CCDC47: variants seen among roughly 807,000 people sequenced by gnomAD.
The protein encoded by CCDC47 is coiled-coil domain containing 47.
A neutral mutation model predicts 60.5 loss-of-function variants in CCDC47; 41 were observed. The observed-to-expected ratio is 0.68, with a 90% CI of 0.53 to 0.88. The LOEUF (loss-of-function observed/expected upper bound fraction) is 0.88. Ranked by LOEUF, CCDC47 falls within the 40% of genes least tolerant of loss-of-function variation. CCDC47 has a pLI of 0.00. For missense variants in CCDC47, 513 were observed against 580.9 expected, an observed-to-expected ratio of 0.88 and a Z score of 1.20; for synonymous variants, 195 against 190.7, an observed-to-expected ratio of 1.02 and a Z score of -0.18.
chr17:63,759,549 A>ATATATATATT (rs2039238486), intron 6 of CCDC47, among the ~76,000 whole-genome samples: 14 of 55,064 alleles, frequency 2.5e-4, no homozygotes, highest in Non-Finnish European at 4.5e-4. Flanking sequence ...ATATATATAT[A>ATATATATATT]TATATATATA....
chr17:63,752,946 G>A (rs368671971), intron 9 of CCDC47, 147 bp from the exon 10 acceptor site: 57 of 1,350,624 alleles, frequency 4.2e-5, no homozygotes, highest in Non-Finnish European at 5.1e-5. Context: ...ATATAATGAA[G>A]GAGCTTTACA....
At chr17:63,758,551 T>A (rs866386745) in intron 6 of CCDC47, among the ~76,000 whole-genome samples, 12 of 151,922 alleles carry the variant, frequency 7.9e-5, no homozygotes, top group African/African-American at 2.7e-4. Context: ...AAAAGAATTA[T>A]TATTATTATT....
chr17:63,761,796 G>C, intron 4 of CCDC47: 1 of 979,270 alleles, frequency 1.0e-6, no homozygotes, highest in Non-Finnish European at 1.2e-6. Flanking sequence ...CTGTCTTATA[G>C]AACTGTTTGG....
rs1273557873 is a variant in CCDC47, at chr17:63,745,843, T to G, written c.*1038A>C. 3 of 151,828 alleles carry G rather than the reference T, an allele frequency of 2.0e-5. No individual in the cohort carries two copies. Among genetic ancestry groups the G allele is most frequent in the African/African-American group, 7.3e-5 (3 of 41,296 alleles). 9.4% of individuals were successfully genotyped at this position (151,828 alleles called of 1,614,324 possible). On this transcript the variant is annotated 3_prime_UTR_variant, in exon 13 of 13. Coordinates refer to ENST00000225726, the MANE Select transcript of CCDC47 (RefSeq NM_020198.3). ...GATACATGGGCCTCTCCTCCAAGAG[T>G]TGGTTCCGCAAGAGGTGGAAAGAAC...
At chr17:63,751,903 A>C (rs994969726) in intron 12 of CCDC47, 37 bp downstream of exon 12, 3 of 1,609,818 alleles carry the variant, frequency 1.9e-6, no homozygotes, top group Non-Finnish European at 2.5e-6. Context: ...TCATCCTTAC[A>C]AATCGTAGTT....
Position 63,765,942 on chromosome 17 carries a change from T to C in CCDC47, c.234A>G (p.Gln78=). The C allele has an allele frequency of 1.2e-6, 2 of 1,613,528 alleles. No homozygotes were observed. Among genetic ancestry groups the C allele is most frequent in the Non-Finnish European group, 8.5e-7 (1 of 1,179,710 alleles). ...TVELEGQDEN[Q]EGDFEDADTQ... ...TATCTGCATCTTCAAAATCTCCTTC[T>C]TGGTTTTCATCCTGCCCTTCCAACT... The change falls in exon 2 of 13, where the codon CAA becomes CAG. Residue 78 remains glutamine, a synonymous_variant. Coordinates refer to ENST00000225726, the MANE Select transcript of CCDC47 (RefSeq NM_020198.3).
rs114008758 is a variant in CCDC47, at chr17:63,768,314, A to G, written c.-19-2120T>C. Among the ~76,000 whole-genome samples the G allele has an allele frequency of 5.5e-4, 84 of 152,298 alleles. 1 individual carries two copies. The highest frequency in any genetic ancestry group is 2.0e-3 in the African/African-American group (83 of 41,546). On this transcript the variant is annotated intron_variant, in intron 1 of 12. Coordinates refer to ENST00000225726, the MANE Select transcript of CCDC47 (RefSeq NM_020198.3). ...TTCAGCTTCAAGGACATGTGCTACA[A>G]TATTATTTATGATGGTGAAATTTGG... is the stretch of plus-strand genomic sequence containing the variant.
chr17:63,751,021 T>C (rs2144469926), intron 12 of CCDC47, among the ~76,000 whole-genome samples: 1 of 143,586 alleles, frequency 7.0e-6, no homozygotes, highest in South Asian at 2.3e-4. Context: ...ACTACAGGTA[T>C]GCACCACTAT....
chr17:63,746,772 G>T lies in CCDC47; in HGVS notation c.*109C>A. On this transcript the variant is annotated 3_prime_UTR_variant, in exon 13 of 13. Coordinates refer to ENST00000225726, the MANE Select transcript of CCDC47 (RefSeq NM_020198.3). Reference sequence around the variant, plus strand: ...ATGATGAAATAAGGATTTCTCAGTTGCCCAAGACTGTCTGAAATTTAAGGT... The same window carrying T: ...ATGATGAAATAAGGATTTCTCAGTTTCCCAAGACTGTCTGAAATTTAAGGT... The T allele has an allele frequency of 1.2e-6, 1 of 828,540 alleles. No individual in the cohort carries two copies. The highest frequency in any genetic ancestry group is 1.7e-5 in the African/African-American group (1 of 59,418). 51.3% of individuals were successfully genotyped at this position (828,540 alleles called of 1,614,324 possible).
chr17:63,749,664 G>A (rs1054740060), intron 12 of CCDC47, among the ~76,000 whole-genome samples: 3 of 151,892 alleles, frequency 2.0e-5, no homozygotes, highest in Admixed American at 6.6e-5. Flanking sequence ...CAGAAGAATC[G>A]CTTGAACCCG....
intron 1 of CCDC47, among the ~76,000 whole-genome samples, chr17:63,770,756 C>T (rs1312164798): frequency 3.3e-5 from 5 of 151,772 alleles, no homozygotes; most frequent in African/African-American, 9.7e-5. Context: ...GAGGCCAATA[C>T]GGGCAGATCA....
chr17:63,765,836 C>A (rs761689818), intron 2 of CCDC47, 76 bp downstream of exon 2: 70 of 1,467,718 alleles, frequency 4.8e-5, no homozygotes, highest in Non-Finnish European at 6.1e-5. Flanking sequence ...GTCTCTTGAG[C>A]CTGAGGATTA....
In CCDC47 at chr17:63,752,398, ATCCT is replaced by A; in HGVS notation, c.1121_1124del (p.Lys374IlefsTer8). 6.2e-7 allele frequency: 1 copy of A among 1,613,700 alleles called. No homozygotes were observed. The highest frequency in any genetic ancestry group is 8.5e-7 in the Non-Finnish European group (1 of 1,179,786). ...TCATCAGGGGTAGCAGTGCCTCCATATCCTTTGGGTAAGTGTTACCTGAGCCAGG... is the reference window on the plus strand; with the variant it reads ...TCATCAGGGGTAGCAGTGCCTCCATATTGGGTAAGTGTTACCTGAGCCAGG... On this transcript the variant is annotated frameshift_variant, in exon 11 of 13. Coordinates refer to ENST00000225726, the MANE Select transcript of CCDC47 (RefSeq NM_020198.3). LOFTEE classifies it high-confidence loss of function.
At chr17:63,771,286 T>C (rs2144502475) in intron 1 of CCDC47, among the ~76,000 whole-genome samples, 1 of 152,190 alleles carries the variant, frequency 6.6e-6, no homozygotes, top group South Asian at 2.1e-4. Context: ...ATATAGTGTA[T>C]ATACATATAC....
At chr17:63,770,393 T>G (rs1437980439) in intron 1 of CCDC47, among the ~76,000 whole-genome samples, 1 of 152,008 alleles carries the variant, frequency 6.6e-6, no homozygotes, top group Non-Finnish European at 1.5e-5. Flanking sequence ...GATAGGACAT[T>G]GGGTTTGTAG....
intron 12 of CCDC47, 193 bp downstream of exon 12, chr17:63,751,747 C>T (rs1442520826): frequency 6.1e-6 from 4 of 657,330 alleles, no homozygotes; most frequent in Non-Finnish European, 1.1e-5. Context: ...TTCACGTTCA[C>T]AGACTCAGTG....
At chr17:63,752,692 G>C in intron 10 of CCDC47, 49 bp downstream of exon 10, 1 of 1,569,488 alleles carries the variant, frequency 6.4e-7, no homozygotes, top group East Asian at 2.3e-5. Flanking sequence ...CTCTCCTTAA[G>C]GTCATCTCAG....
intron 1 of CCDC47, among the ~76,000 whole-genome samples, chr17:63,771,559 C>T (rs2039341982): frequency 6.6e-6 from 1 of 152,162 alleles, no homozygotes; most frequent in Non-Finnish European, 1.5e-5. Flanking sequence ...ACATCCCTAG[C>T]TTCCTTTAAC....
chr17:63,755,022 G>A lies in CCDC47; in HGVS notation c.949-504C>T, dbSNP rs192167970. Among the ~76,000 whole-genome samples the A allele has an allele frequency of 2.3e-4, 35 of 152,164 alleles. No homozygotes were observed. In the East Asian group the frequency reaches 6.8e-3, roughly 29 times the overall value. ...GTGTTGCTCTCTTACCCAGGCTAGA[G>A]TGCAGTGGCACAATCATAGCTTACC... On this transcript the variant is annotated intron_variant, in intron 8 of 12. Coordinates refer to ENST00000225726, the MANE Select transcript of CCDC47 (RefSeq NM_020198.3).
Sources: allele counts gnomAD v4.1 joint callset (sites outside exome capture counted in the v4.1 genomes callset), GRCh38; gene constraint gnomAD v4.1.1; transcripts MANE v1.5; gene names NCBI Gene and HGNC (gene_info 2026-07-23, HGNC 2026-07-21).